Variants in SDK1 observed in about 807,000 individuals in gnomAD.
The protein encoded by SDK1 is protein sidekick-1.
Under a neutral mutation model 245.5 loss-of-function variants are expected in SDK1, and 157 were observed. The observed-to-expected ratio is 0.64, with a 90% confidence interval of 0.56 to 0.73. The LOEUF (loss-of-function observed/expected upper bound fraction) is 0.73. Ranked by LOEUF, SDK1 falls within the 30% of genes least tolerant of loss-of-function variation. The pLI is 0.00. For synonymous variants in SDK1, 1,647 were observed against 1,278.5 expected (o/e 1.29, Z -6.15); for missense variants, 3,583 against 3,002.3 (o/e 1.19, Z -4.52).
chr7:3,973,706 G>A (rs2084459432), intron 12 of SDK1, among the ~76,000 whole-genome samples: 1 of 152,050 alleles, frequency 6.6e-6, no homozygotes, highest in Non-Finnish European at 1.5e-5. Context: ...GTTTTCATAG[G>A]TGACAGGTAT....
Position 4,026,220 on chromosome 7 carries a change from G to A in SDK1, c.2602+8868G>A, listed in dbSNP as rs779148506. ...CCACAAACATGCAATTTTCAGATGC[G>A]GAGAATGCAGAGACAGGGCATGGGA... On this transcript the variant is annotated intron_variant, in intron 17 of 44. Transcript: ENST00000404826. This position sits in a 1 kb window ranked among gnomAD's most constrained non-coding sequence, Gnocchi z 4.1. Among the ~76,000 whole-genome samples the A allele has an allele frequency of 9.2e-5, 14 of 152,200 alleles. No individual in the cohort carries two copies. Among genetic ancestry groups the A allele is most frequent in the Non-Finnish European group, 1.0e-4 (7 of 68,040 alleles).
At chr7:3,315,317 C>T (rs902022347) in intron 1 of SDK1, among the ~76,000 whole-genome samples, 3 of 152,162 alleles carry the variant, frequency 2.0e-5, no homozygotes, top group East Asian at 1.9e-4. Context: ...CAGTATCATA[C>T]ATCCTTACAA....
At chr7:3,379,881 T>C (rs1045066800) in intron 1 of SDK1, among the ~76,000 whole-genome samples, 1 of 152,180 alleles carries the variant, frequency 6.6e-6, no homozygotes, top group Non-Finnish European at 1.5e-5. Flanking sequence ...TTTTTCTATT[T>C]GGGATGCTCA....
intron 9 of SDK1, among the ~76,000 whole-genome samples, chr7:3,963,501 A>C (rs377255262): frequency 1.1e-4 from 7 of 64,032 alleles, no homozygotes; most frequent in African/African-American, 8.9e-4. Context: ...CCCCATGGCT[A>C]CCTGGATGTA....
chr7:3,530,471 A>G (rs1045031129), intron 1 of SDK1, among the ~76,000 whole-genome samples: 4 of 152,244 alleles, frequency 2.6e-5, no homozygotes, highest in African/African-American at 7.2e-5. Flanking sequence ...AATAACCTAC[A>G]GAAAACATCT....
intron 1 of SDK1, among the ~76,000 whole-genome samples, chr7:3,474,880 C>T (rs6462105): frequency 0.38 from 57,332 of 151,882 alleles, 12,119 homozygotes; most frequent in East Asian, 0.5. Flanking sequence ...TTTGTAGAGA[C>T]AGGGTCTCCT....
chr7:3,969,187 T>C, intron 10 of SDK1, 70 bp from the exon 11 acceptor site: 1 of 1,389,372 alleles, frequency 7.2e-7, no homozygotes, highest in Non-Finnish European at 9.7e-7. Context: ...TGCTTATGGC[T>C]CTAACCACTA....
intron 4 of SDK1, among the ~76,000 whole-genome samples, chr7:3,715,048 A>C (rs1785159225): frequency 2.0e-5 from 3 of 152,204 alleles, no homozygotes; most frequent in South Asian, 4.1e-4. Context: ...CATCTCTCAG[A>C]TGCCTCAGCT....
chr7:3,417,748 C>T (rs1165192258), intron 1 of SDK1, among the ~76,000 whole-genome samples: 1 of 152,024 alleles, frequency 6.6e-6, no homozygotes, highest in East Asian at 1.9e-4. Context: ...ATATTTGGTG[C>T]CTGAGGGAGA....
At chr7:3,941,521 C>A (rs1780367106) in intron 5 of SDK1, among the ~76,000 whole-genome samples, 1 of 152,062 alleles carries the variant, frequency 6.6e-6, no homozygotes, top group South Asian at 2.1e-4. Flanking sequence ...CAAACGGGTT[C>A]CCTCCTTTTC....
At chr7:3,599,030 C>G (rs77704537) in intron 1 of SDK1, among the ~76,000 whole-genome samples, 4,869 of 148,838 alleles carry the variant, frequency 0.033, 239 homozygotes, top group African/African-American at 0.11. Context: ...AACCACCAGT[C>G]TGGTTTCCAG....
At chr7:4,059,998 GCCT>G (rs1779433216) in intron 19 of SDK1, among the ~76,000 whole-genome samples, 1 of 151,440 alleles carries the variant, frequency 6.6e-6, no homozygotes, top group Admixed American at 6.6e-5. Context: ...TCCTGCTTCA[GCCT>G]CCTCAGTAGC....
At chr7:3,846,990 C>T (rs765401883) in intron 5 of SDK1, among the ~76,000 whole-genome samples, 1 of 152,154 alleles carries the variant, frequency 6.6e-6, no homozygotes, top group Non-Finnish European at 1.5e-5. Flanking sequence ...CTGGCTGTCC[C>T]CAGTGCCACC....
At chr7:4,251,251 A>G (rs1159380247) in intron 44 of SDK1, among the ~76,000 whole-genome samples, 3 of 152,218 alleles carry the variant, frequency 2.0e-5, no homozygotes, top group Admixed American at 6.5e-5. Context: ...AAGTTCAGTG[A>G]TTCACTAGAA....
At position 4,074,901 on chromosome 7, in the gene SDK1, TATATATATATATATA is replaced by T. The variant is rs1367642938; in HGVS notation, c.3011-2096_3011-2082del. 8.4e-5 allele frequency among the ~76,000 whole-genome samples: 7 copies of T among 83,330 alleles called. 1 individual carries two copies. The highest frequency in any genetic ancestry group is 1.6e-4 in the African/African-American group (2 of 12,804). 54.7% of individuals were successfully genotyped at this position (83,330 alleles called of 152,430 possible). A position where few individuals can be genotyped will look rare whatever the true frequency, so the allele number is the denominator to read the frequency against. On this transcript the variant is annotated intron_variant, in intron 20 of 44. Coordinates refer to ENST00000404826, the MANE Select transcript of SDK1 (RefSeq NM_152744.4). ...CTCTCTCTCTGTATATATATATATA[TATATATATATATATA>T]TTTTTTTTTTTTTTTAATAAAGTTA...
At chr7:3,908,642 C>G (rs546783365) in intron 5 of SDK1, among the ~76,000 whole-genome samples, 42 of 152,274 alleles carry the variant, frequency 2.8e-4, no homozygotes, top group Admixed American at 9.1e-4. Context: ...CTTCTCACAC[C>G]TAAGCCTATC....
At chr7:4,154,236 G>A (rs1057423844) in intron 30 of SDK1, among the ~76,000 whole-genome samples, 9 of 152,148 alleles carry the variant, frequency 5.9e-5, no homozygotes, top group African/African-American at 1.7e-4. Flanking sequence ...GTGATTAGCC[G>A]TCCGAGGCAG....
At chr7:3,780,042 G>A (rs1025989611) in intron 4 of SDK1, among the ~76,000 whole-genome samples, 1 of 151,988 alleles carries the variant, frequency 6.6e-6, no homozygotes, top group Non-Finnish European at 1.5e-5. Context: ...ACCAAAAGGT[G>A]AACTTGCAGC....
intron 1 of SDK1, among the ~76,000 whole-genome samples, chr7:3,498,422 C>G (rs997454792): frequency 1.3e-5 from 2 of 152,084 alleles, no homozygotes; most frequent in Non-Finnish European, 2.9e-5. Flanking sequence ...GTTTTCTCAT[C>G]TATAAAATGA....
Sources: gnomAD v4.1 joint callset for allele counts (sites outside exome capture counted in the v4.1 genomes callset) on GRCh38, gnomAD v4.1.1 for gene constraint, Gnocchi (gnomAD v3.1) non-coding constraint, MANE v1.5 for transcripts, NCBI Gene and HGNC (gene_info 2026-07-23, HGNC 2026-07-21) for gene names.